SEMA3A: variants seen among roughly 807,000 people sequenced by gnomAD.
SEMA3A encodes semaphorin 3A.
In SEMA3A, 29 loss-of-function variants were observed where a neutral mutation model predicts 97.9. The observed-to-expected ratio is 0.30, with a 90% confidence interval of 0.22 to 0.40. The LOEUF (loss-of-function observed/expected upper bound fraction) is 0.40, where lower values mean the gene tolerates loss of function less well. Among genes scored for constraint, SEMA3A ranks in the 10% least tolerant of loss-of-function variants. SEMA3A has a pLI of 1.00. For synonymous variants in SEMA3A, 321 were observed against 323.7 expected, an observed-to-expected ratio of 0.99 and a Z score of 0.09; for missense variants, 763 against 951.3, an observed-to-expected ratio of 0.80 and a Z score of 2.60.
chr7:84,166,947 T>C (rs993298888), intron 1 of SEMA3A, among the ~76,000 whole-genome samples: 1 of 121,890 alleles, frequency 8.2e-6, no homozygotes, highest in Admixed American at 9.0e-5. Flanking sequence ...TAATGGACAA[T>C]GTATTCTATA....
Position 83,958,891 on chromosome 7 carries a change from T to C in SEMA3A, c.*2480A>G, listed in dbSNP as rs1788363921. 1.3e-5 allele frequency: 2 copies of C among 152,208 alleles called. No individual in the cohort carries two copies. Among genetic ancestry groups the C allele is most frequent in the Non-Finnish European group, 2.9e-5 (2 of 67,922 alleles). 9.4% of individuals were successfully genotyped at this position (152,208 alleles called of 1,614,324 possible). ...CACATGAGTCTCTCAAACAGTTTCA[T>C]CTCTGATGATTCATGCATATGACAA... On this transcript the variant is annotated 3_prime_UTR_variant, in exon 17 of 17. Transcript: ENST00000265362.
Position 84,331,898 on chromosome 7 carries a change from C to T in SEMA3A, c.-168-24606G>A, listed in dbSNP as rs373170367. ...GAAATGTGGATGAGAGCCTGTTCAA[C>T]CCCACTGGCAATGAGGTATTTCCCT... On this transcript the variant is annotated intron_variant, in intron 2 of 3. Coordinates refer to the SEMA3A transcript ENST00000424555. 7.9e-5 allele frequency among the ~76,000 whole-genome samples: 12 copies of T among 152,174 alleles called. No homozygotes were observed. In the East Asian group the frequency reaches 1.9e-3, roughly 25 times the overall value.
At chr7:84,292,926 A>G (rs1372109301) in intron 3 of SEMA3A, among the ~76,000 whole-genome samples, 1 of 152,060 alleles carries the variant, frequency 6.6e-6, no homozygotes, top group African/African-American at 2.4e-5. Context: ...CATGTAGATG[A>G]GGCCTAAATG....
chr7:84,424,707 T>C (rs1288610516), intron 1 of SEMA3A, among the ~76,000 whole-genome samples: 2 of 59,250 alleles, frequency 3.4e-5, no homozygotes, highest in African/African-American at 2.2e-4. Context: ...GATATCAATA[T>C]ATAATATATA....
At chr7:84,391,127 T>G (rs1803561799) in intron 1 of SEMA3A, among the ~76,000 whole-genome samples, 1 of 152,118 alleles carries the variant, frequency 6.6e-6, no homozygotes, top group Admixed American at 6.6e-5. Flanking sequence ...ACATCAGCCT[T>G]ATTAGGAGGA....
chr7:84,233,325 C>T (rs988995026), intron 3 of SEMA3A, among the ~76,000 whole-genome samples: 6 of 151,872 alleles, frequency 4.0e-5, no homozygotes, highest in Admixed American at 1.3e-4. Flanking sequence ...TTAATAGTTG[C>T]GTGATTTGGC....
intron 4 of SEMA3A, among the ~76,000 whole-genome samples, chr7:84,064,207 A>G (rs2115711587): frequency 6.6e-6 from 1 of 152,184 alleles, no homozygotes; most frequent in East Asian, 1.9e-4. Flanking sequence ...TACTTTACAG[A>G]CAAGCAAATG....
At chr7:84,079,809 T>A (rs1794085787) in intron 4 of SEMA3A, among the ~76,000 whole-genome samples, 1 of 128,274 alleles carries the variant, frequency 7.8e-6, no homozygotes, top group South Asian at 2.8e-4. Flanking sequence ...TCCTCAGGGA[T>A]CTAGAACTAG....
chr7:84,426,092 G>A (rs1262833586), intron 1 of SEMA3A, among the ~76,000 whole-genome samples: 1 of 151,664 alleles, frequency 6.6e-6, no homozygotes, highest in African/African-American at 2.4e-5. Flanking sequence ...GGGTGGGAGG[G>A]GCGTGAGGAA....
At chr7:83,981,565 C>A in intron 13 of SEMA3A, 87 bp from the exon 14 acceptor site, 2 of 1,120,202 alleles carry the variant, frequency 1.8e-6, no homozygotes, top group South Asian at 4.3e-5. Context: ...TTATATATAA[C>A]TTCTCAGAGA....
rs1433162799 is a variant in SEMA3A at position 84,429,523 on chromosome 7, T to TATAC, written c.-245-57624_-245-57623insGTAT. ...AGTAAAATATAGAGTTTGTTATATA[T>TATAC]ATATATATATATATATATATATATA... On this transcript the variant is annotated intron_variant, in intron 1 of 3. Transcript: ENST00000424555. Among the ~76,000 whole-genome samples, 32 of 109,060 alleles carry TATAC rather than the reference T, an allele frequency of 2.9e-4. 4 individuals are homozygous for TATAC. Among genetic ancestry groups the TATAC allele is most frequent in the African/African-American group, 1.2e-3 (32 of 27,620 alleles). 71.5% of individuals were successfully genotyped at this position (109,060 alleles called of 152,430 possible). A position where few individuals can be genotyped will look rare whatever the true frequency, so the allele number is the denominator to read the frequency against.
intron 2 of SEMA3A, 59 bp from the exon 3 acceptor site, chr7:84,129,244 C>A: frequency 7.5e-7 from 1 of 1,334,688 alleles, no homozygotes; most frequent in Non-Finnish European, 1.1e-6. Context: ...AGATCCAACA[C>A]CATATAGTCT....
chr7:84,254,724 C>T (rs1038639095), intron 3 of SEMA3A, among the ~76,000 whole-genome samples: 1 of 152,058 alleles, frequency 6.6e-6, no homozygotes, highest in African/African-American at 2.4e-5. Flanking sequence ...TAATCACCAC[C>T]CAGTCAAGAT....
intron 2 of SEMA3A, among the ~76,000 whole-genome samples, chr7:84,316,961 T>A (rs1451498479): frequency 6.6e-6 from 1 of 151,920 alleles, no homozygotes; most frequent in African/African-American, 2.4e-5. Context: ...AAGCTTGTGA[T>A]AACAGCAAAA....
intron 1 of SEMA3A, among the ~76,000 whole-genome samples, chr7:84,472,167 A>G (rs1198991902): frequency 6.6e-6 from 1 of 152,120 alleles, no homozygotes; most frequent in Non-Finnish European, 1.5e-5. Context: ...ACATGTCCAT[A>G]TAAGTAAAAG....
Position 84,029,096 on chromosome 7 carries a change from G to C in SEMA3A, c.668-14745C>G, listed in dbSNP as rs78342260. On this transcript the variant is annotated intron_variant, in intron 6 of 16. Transcript: ENST00000265362. ...GAGCACAAAACATGTTTCAAGGAAA[G>C]TGCTGGGCATATTAACCTAATTTAG... Among the ~76,000 whole-genome samples, 221 of 152,302 alleles carry C rather than the reference G, an allele frequency of 1.5e-3. 2 individuals are homozygous for C. The East Asian group carries it at 0.016, about 11-fold the overall frequency.
chr7:83,994,461 T>G lies in SEMA3A; in HGVS notation c.1452+7494A>C, dbSNP rs1790111400. ...TCTTTGTGGTTTTATCTACTTTTGG[T>G]CTTTGATGATGGTGATGTACAGATG... On this transcript the variant is annotated intron_variant, in intron 12 of 16. Transcript: ENST00000265362. Among the ~76,000 whole-genome samples, 3 of 122,402 alleles carry G rather than the reference T, an allele frequency of 2.5e-5. 1 individual carries two copies. The Admixed American group carries it at 2.7e-4, about 11-fold the overall frequency. 80.3% of individuals were successfully genotyped at this position (122,402 alleles called of 152,430 possible). A position where few individuals can be genotyped will look rare whatever the true frequency, so the allele number is the denominator to read the frequency against.
intron 1 of SEMA3A, among the ~76,000 whole-genome samples, chr7:84,426,491 A>G (rs956838434): frequency 1.7e-4 from 26 of 152,136 alleles, no homozygotes; most frequent in African/African-American, 5.1e-4. Context: ...TTATGTAGTG[A>G]TAAGATTAAG....
intron 1 of SEMA3A, among the ~76,000 whole-genome samples, chr7:84,485,003 ATCT>A (rs1562962457): frequency 6.6e-6 from 1 of 152,176 alleles, no homozygotes; most frequent in Non-Finnish European, 1.5e-5. Flanking sequence ...TGTATGCTTA[ATCT>A]TCTTTAGAAA....
Sources: allele counts gnomAD v4.1 joint callset (sites outside exome capture counted in the v4.1 genomes callset), GRCh38; gene constraint gnomAD v4.1.1; transcripts MANE v1.5; gene names NCBI Gene and HGNC (gene_info 2026-07-23, HGNC 2026-07-21).